The following ZRSR2 variants were observed in gnomAD, a reference collection of about 807,000 sequenced individuals.
ZRSR2 encodes the protein zinc finger CCCH-type, RNA binding motif and serine/arginine rich 2, also known as U2 small nuclear ribonucleoprotein auxiliary factor 35 kDa subunit-related protein 2.
ZRSR2 carries 3 observed loss-of-function variants against 39.4 expected under a neutral mutation model. The observed-to-expected ratio is 0.08, with a 90% CI of 0.03 to 0.20. The LOEUF (loss-of-function observed/expected upper bound fraction) is 0.20. ZRSR2 is among the 10% of genes least tolerant of loss of function. ZRSR2 has a pLI of 1.00. For synonymous variants in ZRSR2, 137 were observed against 136.0 expected (o/e 1.01, Z -0.05); for missense variants, 256 against 391.5 (o/e 0.65, Z 2.92).
chrX:15,790,961 G>A lies in ZRSR2; in HGVS notation c.69G>A (p.Lys23=). Residue 23 remains lysine, a synonymous_variant, in exon 2 of 11, where the codon AAG becomes AAA. Coordinates refer to ENST00000307771, the MANE Select transcript of ZRSR2 (RefSeq NM_005089.4). The part of the protein sequence containing the change: ...PSHKKYRAAL[K]KEKRKKRRQE... ...ACAAAAAGTACAGGGCCGCCCTGAA[G>A]AAGGAGAAACGAAAGAAACGTCGGC... 1 of 1,211,493 alleles carries A rather than the reference G, an allele frequency of 8.3e-7. No individual in the cohort carries two copies. Among genetic ancestry groups the A allele is most frequent in the Non-Finnish European group, 1.1e-6 (1 of 895,313 alleles).
At chrX:15,796,518 CG>C (rs1016684697) in intron 2 of ZRSR2, among the ~76,000 whole-genome samples, 2 of 76,858 alleles carry the variant, frequency 2.6e-5, no homozygotes, top group African/African-American at 8.8e-5. Flanking sequence ...TCATTGGATG[CG>C]TTTTTTTCCT....
In ZRSR2 at chrX:15,790,917, A is replaced by G. The variant is rs1415915282; in HGVS notation, c.42-17A>G. 11 of 1,203,413 alleles carry G rather than the reference A, an allele frequency of 9.1e-6. No homozygotes were observed. Among genetic ancestry groups the G allele is most frequent in the Admixed American group, 4.4e-5 (2 of 45,950 alleles). Reference sequence around the variant, plus strand: ...ATTGTAGCCGCTGATCGTCGTGTATATGTCTTAATCTTCCAGCCACAAAAA... The same window carrying G: ...ATTGTAGCCGCTGATCGTCGTGTATGTGTCTTAATCTTCCAGCCACAAAAA... On this transcript the variant is annotated splice_polypyrimidine_tract_variant and intron_variant, in intron 1 of 10. Coordinates refer to ENST00000307771, the MANE Select transcript of ZRSR2 (RefSeq NM_005089.4).
chrX:15,795,860 C>A (rs765240469), intron 2 of ZRSR2, among the ~76,000 whole-genome samples: 1 of 111,621 alleles, frequency 9.0e-6, no homozygotes, highest in East Asian at 2.8e-4. Flanking sequence ...CAGTGGCTCA[C>A]GCCTGGAGTC....
intron 9 of ZRSR2, among the ~76,000 whole-genome samples, chrX:15,819,257 A>C (rs892434088): frequency 1.8e-5 from 2 of 109,662 alleles, no homozygotes. Context: ...GGATTGCTTG[A>C]GGCCAGGAGT....
intron 8 of ZRSR2, among the ~76,000 whole-genome samples, chrX:15,817,194 T>C (rs1932994880): frequency 8.9e-6 from 1 of 111,939 alleles, no homozygotes; most frequent in Admixed American, 9.5e-5. Context: ...CACCCTTACT[T>C]GCAACAGGCT....
chrX:15,815,934 C>T, intron 8 of ZRSR2, 44 bp downstream of exon 8: 1 of 1,095,238 alleles, frequency 9.1e-7, no homozygotes, highest in African/African-American at 1.8e-5. Context: ...CTTCACCCTG[C>T]AGTACTTAAT....
rs184292854 is a variant in ZRSR2 at position 15,791,028 on chromosome X, A to C, written c.121+15A>C. ...GAGAGACTCAGGTGATGGACTCTTT[A>C]TTCTGTTTTCTGTGTTGTGAAATTG... On this transcript the variant is annotated intron_variant, in intron 2 of 10. Transcript: ENST00000307771. The C allele has an allele frequency of 9.5e-5, 114 of 1,194,411 alleles. No individual in the cohort carries two copies. The African/African-American group carries it at 1.5e-3, about 16-fold the overall frequency.
rs184217743 is a variant in ZRSR2 at position 15,803,171 on chromosome X, G to C, written c.204-517G>C. Among the ~76,000 whole-genome samples the C allele has an allele frequency of 8.5e-4, 94 of 110,569 alleles. 1 individual carries two copies. The highest frequency in any genetic ancestry group is 4.6e-3 in the Middle Eastern group (1 of 219). ...CCAGCTACTCGGGAGGCTGAGGCAG[G>C]AGAATCACTTGAACCCGGGAGGCAG... On this transcript the variant is annotated intron_variant, in intron 3 of 10. Coordinates refer to ENST00000307771, the MANE Select transcript of ZRSR2 (RefSeq NM_005089.4).
intron 8 of ZRSR2, among the ~76,000 whole-genome samples, chrX:15,817,038 C>T (rs997771467): frequency 9.0e-6 from 1 of 111,581 alleles, no homozygotes; most frequent in African/African-American, 3.3e-5. Flanking sequence ...AGCCTTGTCA[C>T]TTCTTCCTGC....
Position 15,803,753 on chromosome X carries a change from A to T in ZRSR2, c.269A>T (p.Lys90Met), listed in dbSNP as rs200246764. Residue 90 changes from lysine (K) to methionine (M), a missense_variant, in exon 4 of 11, where the codon AAG (lysine) becomes ATG (methionine). Coordinates refer to ENST00000307771, the MANE Select transcript of ZRSR2 (RefSeq NM_005089.4). Reference sequence around the variant, plus strand: ...GCACAAGAAGAATTCAGAATAAAGAAGGAAAAGGAAGAGGCGGCTAAAAAA... The same window carrying T: ...GCACAAGAAGAATTCAGAATAAAGATGGAAAAGGAAGAGGCGGCTAAAAAA... Reference protein sequence around the residue: ...QKAQEEFRIKKEKEEAAKKRQ... With the variant: ...QKAQEEFRIKMEKEEAAKKRQ... 1.3e-4 allele frequency: 153 copies of T among 1,197,306 alleles called. No homozygotes were observed. The highest frequency in any genetic ancestry group is 1.5e-4 in the Non-Finnish European group (134 of 888,497).
intron 5 of ZRSR2, among the ~76,000 whole-genome samples, chrX:15,805,139 G>A (rs765408068): frequency 8.9e-6 from 1 of 112,022 alleles, no homozygotes; most frequent in East Asian, 2.8e-4. Flanking sequence ...AGTCAATATG[G>A]GGCAGAAGCA....
At chrX:15,795,948 C>T (rs1286889274) in intron 2 of ZRSR2, among the ~76,000 whole-genome samples, 1 of 111,974 alleles carries the variant, frequency 8.9e-6, no homozygotes, top group Non-Finnish European at 1.9e-5. Context: ...TGGTGAAACC[C>T]TGTCTCTGCT....
rs778583194 is a variant in ZRSR2 at position 15,803,813 on chromosome X, G to A, written c.312+17G>A. On this transcript the variant is annotated intron_variant, in intron 4 of 10. Coordinates refer to ENST00000307771, the MANE Select transcript of ZRSR2 (RefSeq NM_005089.4). ...GAACAAGAGGTATGGTAGGAATCAC[G>A]TAACTAGTGAACAAACTGATTACTT... is the stretch of plus-strand genomic sequence containing the variant. The A allele has an allele frequency of 5.1e-6, 6 of 1,174,878 alleles. No individual in the cohort carries two copies. Among genetic ancestry groups the A allele is most frequent in the Middle Eastern group, 2.3e-4 (1 of 4,322 alleles).
At chrX:15,790,627 G>C (rs1174631495) in intron 1 of ZRSR2, 91 bp downstream of exon 1, 3 of 1,077,724 alleles carry the variant, frequency 2.8e-6, no homozygotes, top group Non-Finnish European at 3.7e-6. Flanking sequence ...GCTGGGCCAA[G>C]CTAAGTGAGC....
At chrX:15,813,627 T>C (rs975930654) in intron 7 of ZRSR2, among the ~76,000 whole-genome samples, 1 of 112,355 alleles carries the variant, frequency 8.9e-6, no homozygotes, top group African/African-American at 3.2e-5. Context: ...TCCTGGGAAC[T>C]AGGGCCAAGT....
chrX:15,807,829 C>T (rs768935794), intron 5 of ZRSR2, among the ~76,000 whole-genome samples: 163 of 108,629 alleles, frequency 1.5e-3, no homozygotes, highest in African/African-American at 5.3e-3. Context: ...TGCTTGAGCT[C>T]AGGAGTTCGA....
At position 15,822,847 on chromosome X, in the gene ZRSR2, C is replaced by A; in HGVS notation, c.1054C>A (p.Arg352=). The A allele has an allele frequency of 8.2e-7, 1 of 1,212,284 alleles. No homozygotes were observed. The highest frequency in any genetic ancestry group is 1.1e-6 in the Non-Finnish European group (1 of 895,649). Residue 352 remains arginine (R), a synonymous_variant, in exon 11 of 11, where the codon CGG becomes AGG. Coordinates refer to ENST00000307771, the MANE Select transcript of ZRSR2 (RefSeq NM_005089.4). ...TAGAGACATCTACTTGTCTCCAGAT[C>A]GGACTGGCTCCTCCTTTGGGAAGAA... ...ANRDIYLSPD[R]TGSSFGKNSE... is the part of the protein sequence containing the mutation.
intron 2 of ZRSR2, among the ~76,000 whole-genome samples, chrX:15,793,578 G>A (rs1462713049): frequency 9.0e-6 from 1 of 110,905 alleles, no homozygotes; most frequent in Non-Finnish European, 1.9e-5. Context: ...TCACTCTCTC[G>A]CCCAGGCTGG....
At chrX:15,817,356 G>A (rs897282971) in intron 8 of ZRSR2, among the ~76,000 whole-genome samples, 10 of 111,335 alleles carry the variant, frequency 9.0e-5, no homozygotes, top group African/African-American at 3.3e-4. Context: ...GATCCTGCTC[G>A]TTTTGGGATA....
Sources: allele counts gnomAD v4.1 joint callset (sites outside exome capture counted in the v4.1 genomes callset), GRCh38; gene constraint gnomAD v4.1.1; transcripts MANE v1.5; gene names NCBI Gene and HGNC (gene_info 2026-07-23, HGNC 2026-07-21).